Variants in EYA4 observed in about 807,000 individuals in gnomAD.
EYA4 encodes the protein EYA transcriptional coactivator and phosphatase 4.
EYA4 carries 31 observed loss-of-function variants against 87.9 expected under a neutral mutation model. That is an observed-to-expected ratio of 0.35 (90% CI 0.27 to 0.48). The LOEUF (loss-of-function observed/expected upper bound fraction) is 0.48. EYA4 is among the 20% of genes least tolerant of loss of function. The probability of loss-of-function intolerance (pLI) is 0.99; values close to 1 mark genes in which losing one functional copy is unlikely to be tolerated. For missense variants in EYA4, 678 were observed against 761.4 expected (o/e 0.89, Z 1.29); for synonymous variants, 263 against 270.6 (o/e 0.97, Z 0.28).
intron 5 of EYA4, among the ~76,000 whole-genome samples, chr6:133,452,441 A>T (rs1341331621): frequency 6.6e-6 from 1 of 152,150 alleles, no homozygotes; most frequent in Non-Finnish European, 1.5e-5. Context: ...TTATGATAAT[A>T]AAACAGACTT....
At chr6:133,490,673 A>G (rs1797072751) in intron 13 of EYA4, among the ~76,000 whole-genome samples, 1 of 152,210 alleles carries the variant, frequency 6.6e-6, no homozygotes, top group South Asian at 2.1e-4. Flanking sequence ...TTAAATGTAT[A>G]TGCACTCAAT....
chr6:133,512,146 A>G (rs17642884), intron 14 of EYA4, among the ~76,000 whole-genome samples: 19,180 of 152,140 alleles, frequency 0.13, 1,623 homozygotes, highest in Non-Finnish European at 0.17. Flanking sequence ...GAAAATGTCA[A>G]TATCTATGAT....
chr6:133,265,893 C>G (rs9493573), intron 1 of EYA4, among the ~76,000 whole-genome samples: 3,441 of 152,310 alleles, frequency 0.023, 114 homozygotes, highest in African/African-American at 0.076. Context: ...TTTAATTTCA[C>G]TTGCGTTAGC....
chr6:133,331,520 A>G (rs1781959013), intron 2 of EYA4, among the ~76,000 whole-genome samples: 1 of 152,198 alleles, frequency 6.6e-6, no homozygotes, highest in African/African-American at 2.4e-5. Context: ...AATGAGATTA[A>G]TTTTAATTAT....
intron 3 of EYA4, among the ~76,000 whole-genome samples, chr6:133,420,565 C>T (rs1384459378): frequency 2.0e-5 from 3 of 152,224 alleles, no homozygotes; most frequent in African/African-American, 4.8e-5. Context: ...ATTCTTTCTG[C>T]CTGCCCACTT....
intron 3 of EYA4, among the ~76,000 whole-genome samples, chr6:133,419,220 A>C (rs943940241): frequency 6.6e-6 from 1 of 152,226 alleles, no homozygotes; most frequent in African/African-American, 2.4e-5. Flanking sequence ...ACAGTGTGTC[A>C]GCCAGCTTTA....
At chr6:133,333,728 AT>A (rs1164117646) in intron 2 of EYA4, among the ~76,000 whole-genome samples, 1 of 152,152 alleles carries the variant, frequency 6.6e-6, no homozygotes, top group Non-Finnish European at 1.5e-5. Flanking sequence ...TATACCAATT[AT>A]GTTAGCAAGA....
chr6:133,282,684 G>A (rs533524289), intron 2 of EYA4, among the ~76,000 whole-genome samples: 71 of 152,050 alleles, frequency 4.7e-4, no homozygotes, highest in Non-Finnish European at 8.7e-4. Flanking sequence ...TAAATATTAC[G>A]TTTTCTTCTG....
At chr6:133,277,190 T>C (rs904642587) in intron 2 of EYA4, among the ~76,000 whole-genome samples, 2 of 152,206 alleles carry the variant, frequency 1.3e-5, no homozygotes, top group African/African-American at 4.8e-5. Flanking sequence ...ACATGCACAC[T>C]GCATCTAGCA....
At chr6:133,356,340 C>G (rs946306815) in intron 2 of EYA4, among the ~76,000 whole-genome samples, 1 of 152,094 alleles carries the variant, frequency 6.6e-6, no homozygotes, top group Non-Finnish European at 1.5e-5. Flanking sequence ...TAGTTTTTCA[C>G]TCAAATGGAG....
chr6:133,243,683 T>A (rs1240583463), intron 1 of EYA4, among the ~76,000 whole-genome samples: 1 of 150,830 alleles, frequency 6.6e-6, no homozygotes, highest in African/African-American at 2.5e-5. Flanking sequence ...TTTTAAAATA[T>A]TATTGGCAAG....
intron 11 of EYA4, among the ~76,000 whole-genome samples, chr6:133,473,824 A>C (rs1795488346): frequency 6.6e-6 from 1 of 151,888 alleles, no homozygotes; most frequent in Non-Finnish European, 1.5e-5. Context: ...TAGAGCACAA[A>C]ATTTAAGGTG....
intron 3 of EYA4, among the ~76,000 whole-genome samples, chr6:133,414,039 G>C (rs769250108): frequency 2.6e-5 from 4 of 152,060 alleles, no homozygotes; most frequent in African/African-American, 4.8e-5. Flanking sequence ...GATCTCTACT[G>C]TTACTACTCC....
At chr6:133,333,526 A>G (rs902012646) in intron 2 of EYA4, among the ~76,000 whole-genome samples, 3 of 152,210 alleles carry the variant, frequency 2.0e-5, no homozygotes, top group African/African-American at 7.2e-5. Context: ...CTATTAATTG[A>G]CTAAGACATT....
chr6:133,517,911 A>G (rs868724748), intron 17 of EYA4, among the ~76,000 whole-genome samples: 66 of 152,342 alleles, frequency 4.3e-4, no homozygotes, highest in Admixed American at 2.8e-3. Flanking sequence ...CTGAAAATCA[A>G]TTAGATTTCT....
chr6:133,311,131 C>T (rs1246413320), intron 2 of EYA4, among the ~76,000 whole-genome samples: 1 of 151,990 alleles, frequency 6.6e-6, no homozygotes, highest in Non-Finnish European at 1.5e-5. Flanking sequence ...CCATTTTATC[C>T]CTCAGTCTGT....
intron 13 of EYA4, among the ~76,000 whole-genome samples, chr6:133,501,050 C>CA (rs1042140183): frequency 1.7e-4 from 26 of 152,120 alleles, no homozygotes; most frequent in Non-Finnish European, 2.2e-4. Context: ...TTCTCACACA[C>CA]AGACTCCTCA....
chr6:133,296,017 G>C (rs763880990), intron 2 of EYA4, among the ~76,000 whole-genome samples: 1 of 152,200 alleles, frequency 6.6e-6, no homozygotes, highest in Non-Finnish European at 1.5e-5. Flanking sequence ...TATTTGTACT[G>C]TATTGCTGTG....
chr6:133,363,704 T>C (rs997182788), intron 2 of EYA4, among the ~76,000 whole-genome samples: 1 of 152,084 alleles, frequency 6.6e-6, no homozygotes, highest in Non-Finnish European at 1.5e-5. Flanking sequence ...CTGGATCTTC[T>C]GACCTCATGA....
Sources: allele counts gnomAD v4.1 joint callset (sites outside exome capture counted in the v4.1 genomes callset), GRCh38; gene constraint gnomAD v4.1.1; transcripts MANE v1.5; gene names NCBI Gene and HGNC (gene_info 2026-07-23, HGNC 2026-07-21).